Variants in GRM8 observed in about 807,000 individuals in gnomAD.
The protein encoded by GRM8 is glutamate metabotropic receptor 8.
A neutral mutation model predicts 87.2 loss-of-function variants in GRM8; 47 were observed. That is an observed-to-expected ratio of 0.54 (90% confidence interval 0.43 to 0.69). GRM8 has a LOEUF of 0.69. GRM8 is among the 30% of genes least tolerant of loss of function. The pLI is 0.00. For missense variants in GRM8, 1,019 were observed against 1,139.2 expected (o/e 0.89, Z 1.52); for synonymous variants, 396 against 404.5 (o/e 0.98, Z 0.25).
intron 7 of GRM8, among the ~76,000 whole-genome samples, chr7:126,750,218 A>C (rs1174359821): frequency 1.3e-5 from 2 of 152,154 alleles, no homozygotes; most frequent in African/African-American, 4.8e-5. Flanking sequence ...GAGAAAGAAC[A>C]CAAAATCTGC....
chr7:126,761,769 A>T (rs1817608583), intron 7 of GRM8, among the ~76,000 whole-genome samples: 1 of 152,172 alleles, frequency 6.6e-6, no homozygotes, highest in African/African-American at 2.4e-5. Context: ...ACTTTCTTAG[A>T]ATGTGAATGC....
intron 8 of GRM8, among the ~76,000 whole-genome samples, chr7:126,543,606 C>A (rs765179990): frequency 1.1e-4 from 17 of 152,138 alleles, no homozygotes; most frequent in Non-Finnish European, 2.2e-4. Context: ...AAGGGAATGA[C>A]TGGTTTTGAA....
chr7:126,663,855 T>C (rs1805477198), intron 7 of GRM8, among the ~76,000 whole-genome samples: 1 of 152,064 alleles, frequency 6.6e-6, no homozygotes. Context: ...TCAAATTATC[T>C]CTCTTCACTG....
intron 9 of GRM8, among the ~76,000 whole-genome samples, chr7:126,463,269 A>T (rs1221248074): frequency 6.6e-6 from 1 of 151,538 alleles, no homozygotes; most frequent in Non-Finnish European, 1.5e-5. Flanking sequence ...TCAGACTACT[A>T]TGTGAGTGGG....
rs1406620034 is a variant in GRM8, at chr7:127,167,145, G to A, written c.511-60433C>T. Among the ~76,000 whole-genome samples the A allele has an allele frequency of 3.3e-5, 5 of 152,232 alleles. No homozygotes were observed. In the East Asian group the frequency reaches 5.8e-4, roughly 18 times the overall value. On this transcript the variant is annotated intron_variant, in intron 2 of 10. Transcript: ENST00000339582. ...GTGGGGGCAATCTGCAGGCAAAAAG[G>A]AGGCACCCTGTCTGTAGAGAATTTA... is the stretch of plus-strand genomic sequence containing the variant.
At chr7:126,469,030 A>C (rs1804836957) in intron 9 of GRM8, among the ~76,000 whole-genome samples, 2 of 152,088 alleles carry the variant, frequency 1.3e-5, no homozygotes, top group Admixed American at 1.3e-4. Flanking sequence ...TGACTCCTTT[A>C]ATCTTTGTTT....
chr7:127,109,632 C>T (rs1826163055), intron 2 of GRM8, among the ~76,000 whole-genome samples: 1 of 152,190 alleles, frequency 6.6e-6, no homozygotes, highest in South Asian at 2.1e-4. Context: ...TTCCTGTCTT[C>T]CAAAGCCTCC....
intron 3 of GRM8, among the ~76,000 whole-genome samples, chr7:127,105,521 C>G (rs954276834): frequency 2.0e-5 from 3 of 152,192 alleles, no homozygotes; most frequent in Admixed American, 2.0e-4. Flanking sequence ...ACTTTTTGTC[C>G]TTGGTAATTA....
intron 7 of GRM8, among the ~76,000 whole-genome samples, chr7:126,658,230 T>G (rs1804754993): frequency 6.6e-6 from 1 of 152,190 alleles, no homozygotes; most frequent in Admixed American, 6.5e-5. Context: ...ATGAGCTGAG[T>G]TATGGCTCCC....
At chr7:126,612,746 G>A (rs1799046711) in intron 7 of GRM8, among the ~76,000 whole-genome samples, 1 of 152,190 alleles carries the variant, frequency 6.6e-6, no homozygotes, top group Non-Finnish European at 1.5e-5. Context: ...GTTCAGTACT[G>A]AGCAAGTAAT....
intron 3 of GRM8, among the ~76,000 whole-genome samples, chr7:126,917,341 T>C (rs947444710): frequency 5.3e-5 from 8 of 151,460 alleles, no homozygotes; most frequent in African/African-American, 1.9e-4. Flanking sequence ...TAGAAGACAA[T>C]TAGTACCTTG....
intron 8 of GRM8, among the ~76,000 whole-genome samples, chr7:126,557,108 T>A (rs1275967440): frequency 1.3e-5 from 2 of 152,216 alleles, no homozygotes; most frequent in Admixed American, 6.5e-5. Flanking sequence ...CAGGGATATC[T>A]TCCTGTGATA....
chr7:126,518,155 A>T (rs930288792), intron 9 of GRM8, among the ~76,000 whole-genome samples: 1 of 152,070 alleles, frequency 6.6e-6, no homozygotes, highest in African/African-American at 2.4e-5. Flanking sequence ...AACTGGCAGT[A>T]TGAGGAAAAC....
At chr7:126,803,928 C>A (rs2151716476) in intron 6 of GRM8, among the ~76,000 whole-genome samples, 1 of 152,342 alleles carries the variant, frequency 6.6e-6, no homozygotes, top group South Asian at 2.1e-4. Flanking sequence ...TAAATCGTCA[C>A]TAATACTATT....
chr7:126,730,223 C>A (rs555423682), intron 7 of GRM8, among the ~76,000 whole-genome samples: 10 of 152,052 alleles, frequency 6.6e-5, no homozygotes, highest in Admixed American at 2.0e-4. Flanking sequence ...ATAGTACTAG[C>A]AATGCACTGA....
In GRM8 at chr7:126,808,490, G is replaced by A. The variant is rs192760505; in HGVS notation, c.1157-38425C>T. ...TGTAAACACTCAAGATGAATTAACT[G>A]TAATATAGATGGTCAACCTGCTGGC... On this transcript the variant is annotated intron_variant, in intron 6 of 10. Transcript: ENST00000339582. 2.9e-3 allele frequency among the ~76,000 whole-genome samples: 435 copies of A among 152,304 alleles called. 5 individuals are homozygous for A. Among genetic ancestry groups the A allele is most frequent in the African/African-American group, 1.0e-2 (414 of 41,572 alleles).
chr7:126,659,293 C>T (rs1804892042), intron 7 of GRM8, among the ~76,000 whole-genome samples: 1 of 152,148 alleles, frequency 6.6e-6, no homozygotes, highest in African/African-American at 2.4e-5. Flanking sequence ...CAGGGGGAAC[C>T]TACCTGTGGT....
chr7:127,014,175 AG>A (rs1214542081), intron 3 of GRM8, among the ~76,000 whole-genome samples: 1 of 152,228 alleles, frequency 6.6e-6, no homozygotes, highest in Non-Finnish European at 1.5e-5. Context: ...CTGAGAAGAC[AG>A]AGAAGCAAAT....
intron 9 of GRM8, among the ~76,000 whole-genome samples, chr7:126,477,619 GAAAGAAAGAAAGAA>G (rs993637229): frequency 3.1e-5 from 4 of 127,152 alleles, no homozygotes; most frequent in African/African-American, 1.2e-4. Context: ...AAGAAAGAAA[GAAAGAAAGAAAGAA>G]AGAAAAAACG....
Sources: allele counts gnomAD v4.1 joint callset (sites outside exome capture counted in the v4.1 genomes callset), GRCh38; gene constraint gnomAD v4.1.1; transcripts MANE v1.5; gene names NCBI Gene and HGNC (gene_info 2026-07-23, HGNC 2026-07-21).